ARHGAP24: variants seen among roughly 807,000 people sequenced by gnomAD.
ARHGAP24 encodes the protein Rho GTPase activating protein 24.
A neutral mutation model predicts 76.4 loss-of-function variants in ARHGAP24; 50 were observed. That is an observed-to-expected ratio of 0.65 (90% confidence interval 0.52 to 0.83). The LOEUF is 0.83. ARHGAP24 is among the 40% of genes least tolerant of loss of function. The pLI is 0.00. For synonymous variants in ARHGAP24, 345 were observed against 323.3 expected, an observed-to-expected ratio of 1.07 and a Z score of -0.72; for missense variants, 930 against 914.2, an observed-to-expected ratio of 1.02 and a Z score of -0.22.
intron 2 of ARHGAP24, among the ~76,000 whole-genome samples, chr4:85,698,877 C>T (rs1723967407): frequency 6.6e-6 from 1 of 152,132 alleles, no homozygotes; most frequent in Non-Finnish European, 1.5e-5. Flanking sequence ...AGGGTAGGTC[C>T]CTCATAGCCG....
chr4:85,820,579 A>G (rs796491512), intron 3 of ARHGAP24, among the ~76,000 whole-genome samples: 35 of 152,322 alleles, frequency 2.3e-4, no homozygotes, highest in African/African-American at 8.2e-4. Flanking sequence ...CCAAGCCCCC[A>G]TGAGATGCAA....
At chr4:85,995,702 GCCT>G (rs756152048) in intron 9 of ARHGAP24, 45 bp downstream of exon 9, 5 of 1,566,286 alleles carry the variant, frequency 3.2e-6, no homozygotes, top group African/African-American at 2.7e-5. Context: ...GGGCTCAGTA[GCCT>G]CCTACTGTGG....
intron 3 of ARHGAP24, among the ~76,000 whole-genome samples, chr4:85,873,381 A>G (rs2110194257): frequency 6.6e-6 from 1 of 152,144 alleles, no homozygotes; most frequent in African/African-American, 2.4e-5. Flanking sequence ...TTTTCTCCCT[A>G]TTTCCTTTCC....
chr4:86,000,450 C>T (rs777928354), intron 9 of ARHGAP24, 29 bp from the exon 10 acceptor site: 3 of 528,430 alleles, frequency 5.7e-6, no homozygotes, highest in South Asian at 1.8e-5. Context: ...TGCGTCCCCA[C>T]CCCCCACCCC....
intron 2 of ARHGAP24, among the ~76,000 whole-genome samples, chr4:85,709,799 A>G (rs1724457861): frequency 6.6e-6 from 1 of 152,186 alleles, no homozygotes; most frequent in South Asian, 2.1e-4. Context: ...AGAATAAAGT[A>G]CCTAGCCAGG....
intron 1 of ARHGAP24, among the ~76,000 whole-genome samples, chr4:85,480,010 T>C (rs1001626862): frequency 3.9e-5 from 6 of 152,240 alleles, no homozygotes; most frequent in Non-Finnish European, 8.8e-5. Context: ...CAATCGCTAA[T>C]TGCTCTAAGT....
intron 2 of ARHGAP24, among the ~76,000 whole-genome samples, chr4:85,690,784 C>A (rs376221548): frequency 1.4e-5 from 2 of 142,056 alleles, no homozygotes; most frequent in East Asian, 4.2e-4. Context: ...TTTCATGGAA[C>A]CAACTCTTGG....
intron 3 of ARHGAP24, among the ~76,000 whole-genome samples, chr4:85,901,986 C>T (rs1344448867): frequency 1.3e-5 from 2 of 152,056 alleles, no homozygotes; most frequent in Non-Finnish European, 2.9e-5. Flanking sequence ...GCACTCCACC[C>T]CCCAACAGGC....
At chr4:85,848,592 T>C (rs1731026554) in intron 3 of ARHGAP24, among the ~76,000 whole-genome samples, 1 of 152,042 alleles carries the variant, frequency 6.6e-6, no homozygotes, top group Non-Finnish European at 1.5e-5. Flanking sequence ...GTTGGACATT[T>C]GGGTTGGTCA....
chr4:85,665,301 T>C (rs1309269852), intron 2 of ARHGAP24, among the ~76,000 whole-genome samples: 1 of 152,098 alleles, frequency 6.6e-6, no homozygotes, highest in Admixed American at 6.5e-5. Context: ...TCTTTGTTGG[T>C]TTAAAGTCTG....
At chr4:85,714,111 C>T (rs146366595) in intron 2 of ARHGAP24, among the ~76,000 whole-genome samples, 4 of 152,120 alleles carry the variant, frequency 2.6e-5, no homozygotes, top group East Asian at 3.9e-4. Flanking sequence ...CAGAAGTGAC[C>T]GTATGGTAGC....
chr4:85,545,499 G>A (rs1370745504), intron 1 of ARHGAP24, among the ~76,000 whole-genome samples: 1 of 152,002 alleles, frequency 6.6e-6, no homozygotes, highest in Non-Finnish European at 1.5e-5. Flanking sequence ...TTTCCCCTTG[G>A]GCTGAGACTA....
At chr4:85,804,682 A>G (rs955380917) in intron 3 of ARHGAP24, among the ~76,000 whole-genome samples, 1 of 152,206 alleles carries the variant, frequency 6.6e-6, no homozygotes, top group Non-Finnish European at 1.5e-5. Context: ...ATTAATTTTT[A>G]AAAGATGTTG....
intron 5 of ARHGAP24, among the ~76,000 whole-genome samples, chr4:85,946,545 A>G (rs991114843): frequency 6.6e-6 from 1 of 152,018 alleles, no homozygotes; most frequent in African/African-American, 2.4e-5. Flanking sequence ...TGTTTACCCA[A>G]TGTTTAGTTC....
At chr4:85,665,347 T>C (rs972594108) in intron 2 of ARHGAP24, among the ~76,000 whole-genome samples, 9 of 152,164 alleles carry the variant, frequency 5.9e-5, no homozygotes, top group Admixed American at 3.3e-4. Context: ...CCCTGCCTTT[T>C]TTTGTTTTCC....
chr4:85,820,934 A>G (rs1265846977), intron 3 of ARHGAP24, among the ~76,000 whole-genome samples: 1 of 152,130 alleles, frequency 6.6e-6, no homozygotes, highest in Non-Finnish European at 1.5e-5. Flanking sequence ...TATTAATTTA[A>G]AATATTTTGC....
chr4:85,936,484 G>T (rs905572341), intron 4 of ARHGAP24, among the ~76,000 whole-genome samples: 4 of 152,042 alleles, frequency 2.6e-5, no homozygotes, highest in Non-Finnish European at 4.4e-5. Context: ...TGTGGTCCTT[G>T]TGTCTGTGGC....
At chr4:85,497,460 C>T (rs1444364401) in intron 1 of ARHGAP24, among the ~76,000 whole-genome samples, 3 of 152,154 alleles carry the variant, frequency 2.0e-5, no homozygotes, top group South Asian at 4.1e-4. Context: ...ATCTTCTTGT[C>T]CACTGCTACT....
Position 85,879,259 on chromosome 4 carries a change from T to C in ARHGAP24, c.269-44389T>C, listed in dbSNP as rs569396367. 2.6e-5 allele frequency among the ~76,000 whole-genome samples: 4 copies of C among 152,282 alleles called. No individual in the cohort carries two copies. The South Asian group carries it at 6.2e-4, about 24-fold the overall frequency. On this transcript the variant is annotated intron_variant, in intron 3 of 9. Coordinates refer to ENST00000395184, the MANE Select transcript of ARHGAP24 (RefSeq NM_001025616.3). Reference sequence around the variant, plus strand: ...AGTTATATTACATGAATAATGGAAATCACTCTGGTGATTTTTTCCATTAAA... The same window carrying C: ...AGTTATATTACATGAATAATGGAAACCACTCTGGTGATTTTTTCCATTAAA...
Sources: gnomAD v4.1 joint callset for allele counts (sites outside exome capture counted in the v4.1 genomes callset) on GRCh38, gnomAD v4.1.1 for gene constraint, MANE v1.5 for transcripts, NCBI Gene and HGNC (gene_info 2026-07-23, HGNC 2026-07-21) for gene names.